Variants in LRRC7 observed in about 807,000 individuals in gnomAD.
LRRC7 encodes the protein leucine rich repeat containing 7.
A neutral mutation model predicts 175.7 loss-of-function variants in LRRC7; 23 were observed. That is an observed-to-expected ratio of 0.13 (90% confidence interval 0.09 to 0.19). The LOEUF (loss-of-function observed/expected upper bound fraction) is 0.19, where lower values mean the gene tolerates loss of function less well. Ranked by LOEUF, LRRC7 falls within the 10% of genes least tolerant of loss-of-function variation. LRRC7 has a pLI of 1.00. For synonymous variants in LRRC7, 685 were observed against 680.9 expected, an observed-to-expected ratio of 1.01 and a Z score of -0.09; for missense variants, 1,354 against 1,904.7, an observed-to-expected ratio of 0.71 and a Z score of 5.38.
rs79845428 is a variant in LRRC7 at position 69,915,589 on chromosome 1, T to C, written c.648-15918T>C. On this transcript the variant is annotated intron_variant, in intron 7 of 26. Coordinates refer to ENST00000651989, the MANE Select transcript of LRRC7 (RefSeq NM_001370785.2). ...TAGAGATTCACAACGAACATTTGTA[T>C]ATTTTGTCTGAGAAGTCCTGCCAAT... Among the ~76,000 whole-genome samples, 361 of 152,268 alleles carry C rather than the reference T, an allele frequency of 2.4e-3. 1 individual carries two copies. The highest frequency in any genetic ancestry group is 8.4e-3 in the African/African-American group (347 of 41,554).
chr1:69,700,123 T>C (rs1004016576), intron 2 of LRRC7, among the ~76,000 whole-genome samples: 9 of 152,160 alleles, frequency 5.9e-5, no homozygotes, highest in African/African-American at 2.2e-4. Flanking sequence ...GGTACAGATC[T>C]AGGGATCCAA....
chr1:69,984,214 G>T (rs534670458), intron 9 of LRRC7, among the ~76,000 whole-genome samples: 1 of 152,100 alleles, frequency 6.6e-6, no homozygotes, highest in African/African-American at 2.4e-5. Flanking sequence ...GTGAGCCACC[G>T]CGCCCAGCAG....
intron 2 of LRRC7, among the ~76,000 whole-genome samples, chr1:69,755,575 T>C (rs1216065505): frequency 6.6e-6 from 1 of 151,446 alleles, no homozygotes; most frequent in Non-Finnish European, 1.5e-5. Context: ...CATATATATA[T>C]AGTACAAGTT....
chr1:69,885,744 G>T (rs1275875731), intron 7 of LRRC7, among the ~76,000 whole-genome samples: 14 of 135,948 alleles, frequency 1.0e-4, no homozygotes, highest in Non-Finnish European at 1.9e-4. Context: ...GCTTTCTCTT[G>T]TGGGCATTTA....
At chr1:69,951,271 A>G (rs1233881553) in intron 8 of LRRC7, among the ~76,000 whole-genome samples, 2 of 152,078 alleles carry the variant, frequency 1.3e-5, no homozygotes, top group Non-Finnish European at 2.9e-5. Context: ...GGCTGTTACT[A>G]AAAAGTCAAA....
At chr1:69,838,965 T>C (rs1681427509) in intron 7 of LRRC7, 1 of 173,838 alleles carries the variant, frequency 5.8e-6, no homozygotes. Context: ...TCAAAATGGG[T>C]TTTTTACTCA....
chr1:70,123,130 T>C lies in LRRC7; in HGVS notation c.*1243T>C, dbSNP rs929347354. On this transcript the variant is annotated 3_prime_UTR_variant, in exon 27 of 27. Coordinates refer to ENST00000651989, the MANE Select transcript of LRRC7 (RefSeq NM_001370785.2). ...GCATGGTTAATGTAGAATTATTTAC[T>C]TTTCCATTGAAACTATTTTCCTGCA... 2.0e-5 allele frequency: 3 copies of C among 152,566 alleles called. No homozygotes were observed. The highest frequency in any genetic ancestry group is 1.9e-4 in the East Asian group (1 of 5,198). 9.5% of individuals were successfully genotyped at this position (152,566 alleles called of 1,614,324 possible). A position where few individuals can be genotyped will look rare whatever the true frequency, so the allele number is the denominator to read the frequency against.
At chr1:69,572,348 A>G (rs1645772664) in intron 1 of LRRC7, among the ~76,000 whole-genome samples, 1 of 152,154 alleles carries the variant, frequency 6.6e-6, no homozygotes. Context: ...CTGATGGAAC[A>G]AAAAAGCAAA....
At chr1:69,979,029 T>A (rs1284825594) in intron 8 of LRRC7, among the ~76,000 whole-genome samples, 1 of 151,856 alleles carries the variant, frequency 6.6e-6, no homozygotes, top group East Asian at 1.9e-4. Flanking sequence ...AAATGCTCCA[T>A]CCTTAGACAG....
chr1:69,684,296 GAATT>G (rs1411373309), intron 2 of LRRC7, among the ~76,000 whole-genome samples: 12 of 152,180 alleles, frequency 7.9e-5, no homozygotes, highest in African/African-American at 2.9e-4. Context: ...ATGAGTGAAG[GAATT>G]AATTACTTAA....
chr1:69,856,527 T>A (rs1683648500), intron 7 of LRRC7, among the ~76,000 whole-genome samples: 1 of 152,140 alleles, frequency 6.6e-6, no homozygotes, highest in Non-Finnish European at 1.5e-5. Context: ...AATGGATGAA[T>A]TCCTGGACAC....
chr1:69,923,098 G>A (rs376032277), intron 7 of LRRC7, among the ~76,000 whole-genome samples: 1 of 152,002 alleles, frequency 6.6e-6, no homozygotes, highest in Non-Finnish European at 1.5e-5. Context: ...ATAGTTTATT[G>A]AGAATGATGA....
Position 69,653,228 on chromosome 1 carries a change from G to A in LRRC7, c.3-25153G>A, listed in dbSNP as rs547129118. Among the ~76,000 whole-genome samples, 3 of 151,882 alleles carry A rather than the reference G, an allele frequency of 2.0e-5. No homozygotes were observed. In the South Asian group the frequency reaches 6.2e-4, roughly 31 times the overall value. On this transcript the variant is annotated intron_variant, in intron 1 of 26. Transcript: ENST00000651989. Reference sequence around the variant, plus strand: ...TTAATATTCAAAATATACAGAAACTGTTAAAATTCAAAAACAAAATAACCC... The same window carrying A: ...TTAATATTCAAAATATACAGAAACTATTAAAATTCAAAAACAAAATAACCC...
rs1656649678 is a variant in LRRC7 at position 70,012,968 on chromosome 1, C to T, written c.1135-6C>T. The T allele has an allele frequency of 1.2e-5, 18 of 1,488,492 alleles. No individual in the cohort carries two copies. The highest frequency in any genetic ancestry group is 1.6e-5 in the Non-Finnish European group (18 of 1,098,778). 92.2% of individuals were successfully genotyped at this position (1,488,492 alleles called of 1,614,324 possible). On this transcript the variant is annotated splice_region_variant and splice_polypyrimidine_tract_variant and intron_variant, in intron 12 of 26. Transcript: ENST00000651989. Reference sequence around the variant, plus strand: ...TTTTTTACCTATTTTCTTTTGTTACCTACAGATTGGAAGTTGTAAGAATGT... The same window carrying T: ...TTTTTTACCTATTTTCTTTTGTTACTTACAGATTGGAAGTTGTAAGAATGT...
intron 17 of LRRC7, among the ~76,000 whole-genome samples, chr1:70,026,580 C>T (rs1393006068): frequency 6.6e-6 from 1 of 152,000 alleles, no homozygotes; most frequent in East Asian, 1.9e-4. Context: ...ATACTACAAT[C>T]TAACAACTTA....
rs1246459421 is a variant in LRRC7, at chr1:70,038,349, C to T, written c.2525C>T (p.Ser842Leu). 23 of 1,614,128 alleles carry T rather than the reference C, an allele frequency of 1.4e-5. No individual in the cohort carries two copies. The highest frequency in any genetic ancestry group is 3.3e-5 in the South Asian group (3 of 91,084). ...AGTTCGAAATCTAGAAGCACATCTT[C>T]GCATGGACGCAGGCCTTTGATCAGG... Reference protein sequence around the residue: ...LLSSKSRSTSSHGRRPLIRQD... With the variant: ...LLSSKSRSTSLHGRRPLIRQD... The change falls in exon 21 of 27, where the codon TCG (serine) becomes TTG (leucine). Residue 842 changes from serine (S) to leucine (L), a missense_variant. This residue lies in a region of LRRC7 where 1,032 missense variants were observed against 1,227.2 expected (regional missense o/e 0.84). Transcript: ENST00000651989.
chr1:69,990,185 C>T (rs888446756), intron 10 of LRRC7, among the ~76,000 whole-genome samples: 27 of 151,988 alleles, frequency 1.8e-4, no homozygotes, highest in Non-Finnish European at 4.0e-4. Context: ...CCAAATTTAC[C>T]AACTTAATTT....
intron 7 of LRRC7, among the ~76,000 whole-genome samples, chr1:69,928,241 C>T (rs1647153563): frequency 6.6e-6 from 1 of 152,210 alleles, no homozygotes; most frequent in African/African-American, 2.4e-5. Flanking sequence ...AGTTAGGCTG[C>T]TCGGGGGTCA....
chr1:70,070,093 A>G (rs151081326), intron 23 of LRRC7, among the ~76,000 whole-genome samples: 1,914 of 152,266 alleles, frequency 0.013, 39 homozygotes, highest in African/African-American at 0.044. Context: ...TCCTGAGCTC[A>G]GGTGATCCTC....
Sources: gnomAD v4.1 joint callset for allele counts (sites outside exome capture counted in the v4.1 genomes callset) on GRCh38, gnomAD v4.1.1 for gene constraint, gnomAD v4.1.1 regional missense constraint, MANE v1.5 for transcripts, NCBI Gene and HGNC (gene_info 2026-07-23, HGNC 2026-07-21) for gene names.